The following FOXN4 variants were observed in gnomAD, a reference collection of about 807,000 sequenced individuals.
FOXN4 encodes the protein forkhead box N4.
A neutral mutation model predicts 45.0 loss-of-function variants in FOXN4; 12 were observed. The observed-to-expected ratio is 0.27, with a 90% CI of 0.17 to 0.43. The LOEUF is 0.43. Ranked by LOEUF, FOXN4 falls within the 20% of genes least tolerant of loss-of-function variation. The pLI, the probability that FOXN4 is intolerant of heterozygous loss-of-function variation, is 1.00. For synonymous variants in FOXN4, 297 were observed against 295.0 expected, an observed-to-expected ratio of 1.01 and a Z score of -0.07; for missense variants, 560 against 694.9, an observed-to-expected ratio of 0.81 and a Z score of 2.18.
intron 9 of FOXN4, 57 bp downstream of exon 9, chr12:109,281,350 C>T (rs2047649823): frequency 4.4e-6 from 7 of 1,589,764 alleles, no homozygotes; most frequent in East Asian, 2.2e-5. Flanking sequence ...CTCCCTTTGG[C>T]CCCCGGGCCT....
rs550553417 is a variant in FOXN4 at position 109,289,756 on chromosome 12, C to A, written c.232+385G>T. 3.7e-4 allele frequency among the ~76,000 whole-genome samples: 56 copies of A among 152,298 alleles called. 1 individual carries two copies. In the South Asian group the frequency reaches 0.012, roughly 32 times the overall value. On this transcript the variant is annotated intron_variant, in intron 3 of 9. Transcript: ENST00000299162. ...GGCAAATATTTCAGGCTTTGCCAGC[C>A]AGATGGTCTCTGTGTTTTTACAACC...
Position 109,287,593 on chromosome 12 carries a change from T to A in FOXN4, c.469-69A>T. On this transcript the variant is annotated intron_variant, in intron 5 of 9. Coordinates refer to ENST00000299162, the MANE Select transcript of FOXN4 (RefSeq NM_213596.3). The surrounding 1 kb of genome is among the most constrained non-coding windows in gnomAD (Gnocchi z 4.1). ...GAAGGTGAGAAATAACATACGTCAC[T>A]CACAGTAACACTGTCCCCACCCCAG... 6.8e-7 allele frequency: 1 copy of A among 1,468,182 alleles called. No homozygotes were observed. Among genetic ancestry groups the A allele is most frequent in the East Asian group, 2.5e-5 (1 of 40,254 alleles). The allele number at this position is 1,468,182 out of a possible 1,614,324, so 90.9% of individuals were successfully genotyped here.
chr12:109,306,160 G>A (rs907481954), intron 2 of FOXN4, among the ~76,000 whole-genome samples: 3 of 152,044 alleles, frequency 2.0e-5, no homozygotes, highest in Non-Finnish European at 4.4e-5. Context: ...CCATAGACGC[G>A]TCTCTTGCGG....
intron 3 of FOXN4, among the ~76,000 whole-genome samples, chr12:109,289,645 G>A (rs965989755): frequency 1.3e-5 from 2 of 152,122 alleles, no homozygotes; most frequent in Non-Finnish European, 2.9e-5. Context: ...CTGTGTGCCA[G>A]CCCCTACACT....
intron 2 of FOXN4, among the ~76,000 whole-genome samples, chr12:109,296,530 T>A (rs1016927296): frequency 6.6e-6 from 1 of 152,184 alleles, no homozygotes; most frequent in Non-Finnish European, 1.5e-5. Context: ...AATTTTCTTC[T>A]GAGCCCAACT....
At position 109,290,022 on chromosome 12, in the gene FOXN4, G is replaced by T; in HGVS notation, c.232+119C>A. On this transcript the variant is annotated intron_variant, in intron 3 of 9. Coordinates refer to ENST00000299162, the MANE Select transcript of FOXN4 (RefSeq NM_213596.3). This position sits in a 1 kb window ranked among gnomAD's most constrained non-coding sequence, Gnocchi z 5.1. Reference sequence around the variant, plus strand: ...TTGTCCCATTTTACAGATGCAGAAAGAGAGGCCCAGAGAGACTGGGAGACC... The same window carrying T: ...TTGTCCCATTTTACAGATGCAGAAATAGAGGCCCAGAGAGACTGGGAGACC... The T allele has an allele frequency of 8.3e-7, 1 of 1,197,658 alleles. No homozygotes were observed. Among genetic ancestry groups the T allele is most frequent in the Non-Finnish European group, 1.1e-6 (1 of 892,682 alleles). 74.2% of individuals were successfully genotyped at this position (1,197,658 alleles called of 1,614,324 possible). A position where few individuals can be genotyped will look rare whatever the true frequency, so the allele number is the denominator to read the frequency against.
intron 2 of FOXN4, among the ~76,000 whole-genome samples, chr12:109,298,550 A>G (rs2047840301): frequency 6.6e-6 from 1 of 152,012 alleles, no homozygotes; most frequent in South Asian, 2.1e-4. Context: ...TTTAGTAGAG[A>G]GAGAGTTTCA....
intron 2 of FOXN4, among the ~76,000 whole-genome samples, chr12:109,294,800 A>G (rs2047801649): frequency 6.6e-6 from 1 of 151,988 alleles, no homozygotes. Context: ...TCCCCTGCAG[A>G]AAGGTCAGCA....
rs2047631772 is a variant in FOXN4, at chr12:109,279,480, C to G, written c.*191G>C. ...GAGCCCCCAGAAACTGCTCCGGAAG[C>G]TCCAGGGGGAGGCACGAGAAGGAGA... On this transcript the variant is annotated 3_prime_UTR_variant, in exon 10 of 10. Coordinates refer to ENST00000299162, the MANE Select transcript of FOXN4 (RefSeq NM_213596.3). 2 of 810,368 alleles carry G rather than the reference C, an allele frequency of 2.5e-6. No homozygotes were observed. The highest frequency in any genetic ancestry group is 3.8e-6 in the Non-Finnish European group (2 of 528,600). The allele number at this position is 810,368 out of a possible 1,614,324, so 50.2% of individuals were successfully genotyped here. A position where few individuals can be genotyped will look rare whatever the true frequency, so the allele number is the denominator to read the frequency against.
intron 7 of FOXN4, among the ~76,000 whole-genome samples, chr12:109,286,093 C>T (rs1026912359): frequency 1.3e-5 from 2 of 152,184 alleles, no homozygotes; most frequent in African/African-American, 4.8e-5. Flanking sequence ...CATGTGTGCA[C>T]ACACACTGTA....
intron 2 of FOXN4, among the ~76,000 whole-genome samples, chr12:109,293,957 T>G (rs2047793287): frequency 6.6e-6 from 1 of 152,198 alleles, no homozygotes; most frequent in Non-Finnish European, 1.5e-5. Flanking sequence ...AGGGGGAAGC[T>G]GAGGCCAGCC....
intron 7 of FOXN4, 91 bp from the exon 8 acceptor site, chr12:109,285,602 C>A (rs2047702499): frequency 2.2e-6 from 3 of 1,342,074 alleles, no homozygotes; most frequent in African/African-American, 1.4e-5. Flanking sequence ...GGGCAGGACA[C>A]CGCGGTGGCA....
Position 109,287,650 on chromosome 12 carries a change from C to T in FOXN4, c.469-126G>A, listed in dbSNP as rs1237334558. ...AACACCTTGTGTGGGGATTCACAACCGTCCAGGAAACAATCTTGTCTCCAC... is the reference window on the plus strand; with the variant it reads ...AACACCTTGTGTGGGGATTCACAACTGTCCAGGAAACAATCTTGTCTCCAC... On this transcript the variant is annotated intron_variant, in intron 5 of 9. Transcript: ENST00000299162. This position sits in a 1 kb window ranked among gnomAD's most constrained non-coding sequence, Gnocchi z 4.1. 20 of 1,319,014 alleles carry T rather than the reference C, an allele frequency of 1.5e-5. No homozygotes were observed. In the East Asian group the frequency reaches 2.0e-4, roughly 13 times the overall value. The allele number at this position is 1,319,014 out of a possible 1,614,324, so 81.7% of individuals were successfully genotyped here. A position where few individuals can be genotyped will look rare whatever the true frequency, so the allele number is the denominator to read the frequency against.
Position 109,287,562 on chromosome 12 carries a change from AAGAG to A in FOXN4, c.469-42_469-39del. 6 of 1,490,514 alleles carry A rather than the reference AAGAG, an allele frequency of 4.0e-6. No individual in the cohort carries two copies. The South Asian group carries it at 6.9e-5, about 17-fold the overall frequency. The allele number at this position is 1,490,514 out of a possible 1,614,324, so 92.3% of individuals were successfully genotyped here. A position where few individuals can be genotyped will look rare whatever the true frequency, so the allele number is the denominator to read the frequency against. Reference sequence around the variant, plus strand: ...AGGGGCAGGGAGAAAGTGGCAGAGAAAGAGAGAAGGTGAGAAATAACATACGTCA... The same window carrying A: ...AGGGGCAGGGAGAAAGTGGCAGAGAAAGAAGGTGAGAAATAACATACGTCA... On this transcript the variant is annotated intron_variant, in intron 5 of 9. Coordinates refer to ENST00000299162, the MANE Select transcript of FOXN4 (RefSeq NM_213596.3). This position sits in a 1 kb window ranked among gnomAD's most constrained non-coding sequence, Gnocchi z 4.1.
intron 9 of FOXN4, 139 bp downstream of exon 9, chr12:109,281,268 T>C: frequency 5.5e-6 from 7 of 1,268,510 alleles, no homozygotes; most frequent in Non-Finnish European, 6.5e-6. Flanking sequence ...TTAGGGATGT[T>C]CAACTTGTAA....
chr12:109,295,319 C>G (rs2047806946), intron 2 of FOXN4, among the ~76,000 whole-genome samples: 1 of 152,194 alleles, frequency 6.6e-6, no homozygotes, highest in African/African-American at 2.4e-5. Context: ...CATTCTAGCC[C>G]CACTGCCCTG....
intron 2 of FOXN4, among the ~76,000 whole-genome samples, chr12:109,292,092 C>T (rs991497579): frequency 2.6e-5 from 4 of 152,174 alleles, no homozygotes; most frequent in African/African-American, 7.2e-5. Context: ...CTATGCCACC[C>T]GCTGTTGGGG....
chr12:109,288,005 C>T lies in FOXN4; in HGVS notation c.357+51G>A, dbSNP rs754136665. ...AGAGGGTCACGGTGGGGGTAGACAC[C>T]CAGTCTGGAGGGCACTACCCGCCCT... is the stretch of plus-strand genomic sequence containing the variant. On this transcript the variant is annotated intron_variant, in intron 4 of 9. Transcript: ENST00000299162. This position sits in a 1 kb window ranked among gnomAD's most constrained non-coding sequence, Gnocchi z 4.3. The T allele has an allele frequency of 5.2e-6, 8 of 1,549,456 alleles. No individual in the cohort carries two copies. In the South Asian group the frequency reaches 8.3e-5, roughly 16 times the overall value.
At chr12:109,284,732 C>A (rs1194389410) in intron 8 of FOXN4, among the ~76,000 whole-genome samples, 1 of 151,564 alleles carries the variant, frequency 6.6e-6, no homozygotes, top group Non-Finnish European at 1.5e-5. Flanking sequence ...GGATGGCGGC[C>A]AGGTCCTTCC....
Sources: allele counts gnomAD v4.1 joint callset (sites outside exome capture counted in the v4.1 genomes callset), GRCh38; gene constraint gnomAD v4.1.1; non-coding constraint Gnocchi (gnomAD v3.1); transcripts MANE v1.5; gene names NCBI Gene and HGNC (gene_info 2026-07-23, HGNC 2026-07-21).